TIRAP: variants seen among roughly 807,000 people sequenced by gnomAD.
TIRAP encodes the protein toll/interleukin-1 receptor domain-containing adapter protein.
TIRAP carries 20 observed loss-of-function variants against 19.8 expected under a neutral mutation model. That is an observed-to-expected ratio of 1.01 (90% CI 0.71 to 1.47). The LOEUF (loss-of-function observed/expected upper bound fraction) is 1.47. Among genes scored for constraint, TIRAP ranks in the 40% most tolerant of loss-of-function variants. The pLI, the probability that TIRAP is intolerant of heterozygous loss-of-function variation, is 0.00. For synonymous variants in TIRAP, 125 were observed against 121.7 expected (o/e 1.03, Z -0.18); for missense variants, 276 against 285.1 (o/e 0.97, Z 0.23).
rs1163710222 is a variant in TIRAP, at chr11:126,290,726, CT to C, written c.-92-75del. 1.0e-5 allele frequency: 14 copies of C among 1,392,090 alleles called. No individual in the cohort carries two copies. Among genetic ancestry groups the C allele is most frequent in the Non-Finnish European group, 1.3e-5 (14 of 1,076,194 alleles). 86.2% of individuals were successfully genotyped at this position (1,392,090 alleles called of 1,614,324 possible). A position where few individuals can be genotyped will look rare whatever the true frequency, so the allele number is the denominator to read the frequency against. On this transcript the variant is annotated intron_variant, in intron 2 of 4. Coordinates refer to ENST00000392679, the MANE Select transcript of TIRAP (RefSeq NM_001318777.2). This position sits in a 1 kb window ranked among gnomAD's most constrained non-coding sequence, Gnocchi z 4.9. ...GTCAGGCATTAGGAGAGAAACAGAA[CT>C]TCGCAGAGCTCATCCATGGGGAATG...
intron 1 of TIRAP, among the ~76,000 whole-genome samples, chr11:126,289,025 G>C (rs935260273): frequency 5.3e-5 from 8 of 152,176 alleles, no homozygotes; most frequent in African/African-American, 1.7e-4. Flanking sequence ...TATTAGGAAA[G>C]AAAAGAAACT....
In TIRAP at chr11:126,294,560, C is replaced by G; in HGVS notation, c.*873C>G. 1 of 456,266 alleles carries G rather than the reference C, an allele frequency of 2.2e-6. No homozygotes were observed. The highest frequency in any genetic ancestry group is 4.4e-6 in the Non-Finnish European group (1 of 226,968). 28.3% of individuals were successfully genotyped at this position (456,266 alleles called of 1,614,324 possible). On this transcript the variant is annotated 3_prime_UTR_variant, in exon 5 of 5. Coordinates refer to ENST00000392679, the MANE Select transcript of TIRAP (RefSeq NM_001318777.2). ...CACAGTCACCATCTTCACCTTTGGA[C>G]TGGGAAGAATCACCATTTTTCTTCT...
chr11:126,294,063 C>T lies in TIRAP; in HGVS notation c.*376C>T, dbSNP rs1389374381. The T allele has an allele frequency of 6.8e-6, 2 of 295,068 alleles. No homozygotes were observed. Among genetic ancestry groups the T allele is most frequent in the Non-Finnish European group, 1.3e-5 (2 of 151,352 alleles). The allele number at this position is 295,068 out of a possible 1,614,324, so 18.3% of individuals were successfully genotyped here. ...AACTGGACAGGAAGCCTGGCACCCACTTCTGTCTTCCCCTGGAACTGGGCA... is the reference window on the plus strand; with the variant it reads ...AACTGGACAGGAAGCCTGGCACCCATTTCTGTCTTCCCCTGGAACTGGGCA... On this transcript the variant is annotated 3_prime_UTR_variant, in exon 5 of 5. Coordinates refer to ENST00000392679, the MANE Select transcript of TIRAP (RefSeq NM_001318777.2).
At position 126,291,612 on chromosome 11, in the gene TIRAP, G is replaced by A. The variant is rs1020356702; in HGVS notation, c.67+651G>A. The A allele has an allele frequency of 1.3e-5, 6 of 445,272 alleles. No homozygotes were observed. The highest frequency in any genetic ancestry group is 1.0e-4 in the African/African-American group (5 of 49,660). 27.6% of individuals were successfully genotyped at this position (445,272 alleles called of 1,614,324 possible). ...AAGCTCTCTGCTCCTCAGCAACTCTGAGCAGTAGCCTCTTCCCCATTTAGC... is the reference window on the plus strand; with the variant it reads ...AAGCTCTCTGCTCCTCAGCAACTCTAAGCAGTAGCCTCTTCCCCATTTAGC... On this transcript the variant is annotated intron_variant, in intron 3 of 4. Coordinates refer to ENST00000392679, the MANE Select transcript of TIRAP (RefSeq NM_001318777.2). This position sits in a 1 kb window ranked among gnomAD's most constrained non-coding sequence, Gnocchi z 5.6.
chr11:126,288,482 G>C lies in TIRAP; in HGVS notation c.-216-1980G>C, dbSNP rs1951345312. 6.6e-6 allele frequency: 1 copy of C among 152,240 alleles called. No homozygotes were observed. The highest frequency in any genetic ancestry group is 2.4e-5 in the African/African-American group (1 of 41,456). The allele number at this position is 152,240 out of a possible 1,614,324, so 9.4% of individuals were successfully genotyped here. ...CTACAAAAGAACTGAAAAGGAACAG[G>C]GAAGGTGCATGGCGTCTTGGATTCC... On this transcript the variant is annotated intron_variant, in intron 1 of 4. Coordinates refer to ENST00000392679, the MANE Select transcript of TIRAP (RefSeq NM_001318777.2). This position sits in a 1 kb window ranked among gnomAD's most constrained non-coding sequence, Gnocchi z 5.0.
At chr11:126,285,261 A>ATATATATATATATAT (rs776825456) in intron 1 of TIRAP, among the ~76,000 whole-genome samples, 3 of 51,250 alleles carry the variant, frequency 5.9e-5, no homozygotes, top group African/African-American at 1.1e-4. Flanking sequence ...ATATATATAT[A>ATATATATATATATAT]ATATATATTT....
chr11:126,291,492 G>A lies in TIRAP; in HGVS notation c.67+531G>A, dbSNP rs1321934104. On this transcript the variant is annotated intron_variant, in intron 3 of 4. Coordinates refer to ENST00000392679, the MANE Select transcript of TIRAP (RefSeq NM_001318777.2). This position sits in a 1 kb window ranked among gnomAD's most constrained non-coding sequence, Gnocchi z 5.6. Reference sequence around the variant, plus strand: ...CCGGCTCCCTGACATACCTGACACTGCATTATCTCAGTTAACTTTCAGCAA... The same window carrying A: ...CCGGCTCCCTGACATACCTGACACTACATTATCTCAGTTAACTTTCAGCAA... The A allele has an allele frequency of 9.0e-7, 1 of 1,107,440 alleles. No homozygotes were observed. The highest frequency in any genetic ancestry group is 2.3e-5 in the Admixed American group (1 of 44,062). The allele number at this position is 1,107,440 out of a possible 1,614,324, so 68.6% of individuals were successfully genotyped here.
Position 126,283,129 on chromosome 11 carries a change from T to C in TIRAP, c.-241T>C. The C allele has an allele frequency of 1.0e-6, 1 of 984,968 alleles. No homozygotes were observed. Among genetic ancestry groups the C allele is most frequent in the Non-Finnish European group, 1.2e-6 (1 of 829,776 alleles). The allele number at this position is 984,968 out of a possible 1,614,324, so 61.0% of individuals were successfully genotyped here. ...GGAGCCCGCGCAGTCCGCGCAGCCCTCATCGCAACTGGGCCCGCGCGCAGG... is the reference window on the plus strand; with the variant it reads ...GGAGCCCGCGCAGTCCGCGCAGCCCCCATCGCAACTGGGCCCGCGCGCAGG... On this transcript the variant is annotated 5_prime_UTR_variant, in exon 1 of 5. Transcript: ENST00000392679.
chr11:126,293,006 CAG>C lies in TIRAP; in HGVS notation c.598_599del (p.Arg200GlyfsTer3). The C allele has an allele frequency of 1.9e-6, 3 of 1,614,234 alleles. No homozygotes were observed. Among genetic ancestry groups the C allele is most frequent in the Non-Finnish European group, 2.5e-6 (3 of 1,180,042 alleles). On this transcript the variant is annotated frameshift_variant, in exon 4 of 5. Coordinates refer to ENST00000392679, the MANE Select transcript of TIRAP (RefSeq NM_001318777.2). LOFTEE classifies it high-confidence loss of function. ...ELRFMYYVDG[R>X]GPDGGFRQVK... ...TCCGATTCATGTACTACGTCGATGGCAGGGGCCCTGATGGTGGCTTTCGTCAA... is the reference window on the plus strand; with the variant it reads ...TCCGATTCATGTACTACGTCGATGGCGGGCCCTGATGGTGGCTTTCGTCAA...
At chr11:126,285,260 T>TATATATATATATATAAAA (rs773653398) in intron 1 of TIRAP, among the ~76,000 whole-genome samples, 9 of 135,454 alleles carry the variant, frequency 6.6e-5, no homozygotes, top group East Asian at 2.2e-4. Context: ...TATATATATA[T>TATATATATATATATAAAA]AATATATATT....
rs1275701132 is a variant in TIRAP at position 126,292,746 on chromosome 11, A to G, written c.337A>G (p.Ser113Gly). ...LVSYLEGSTASLRCFLQLRDA... is the reference protein window; with the variant it reads ...LVSYLEGSTAGLRCFLQLRDA... Reference sequence around the variant, plus strand: ...CTCCTACTTGGAAGGCAGCACTGCCAGCCTGCGCTGCTTCCTGCAACTCCG... The same window carrying G: ...CTCCTACTTGGAAGGCAGCACTGCCGGCCTGCGCTGCTTCCTGCAACTCCG... The change falls in exon 4 of 5, where the codon AGC becomes GGC. Residue 113 changes from serine (S) to glycine (G), a missense_variant. Transcript: ENST00000392679. The G allele has an allele frequency of 6.2e-7, 1 of 1,613,280 alleles. No homozygotes were observed. The highest frequency in any genetic ancestry group is 1.1e-5 in the South Asian group (1 of 90,916).
At chr11:126,289,877 T>A in intron 1 of TIRAP, 1 of 983,268 alleles carries the variant, frequency 1.0e-6, no homozygotes, top group Non-Finnish European at 1.2e-6. Context: ...TGTATTTCCA[T>A]ATAAATTTAG....
intron 1 of TIRAP, among the ~76,000 whole-genome samples, chr11:126,283,919 A>G (rs1475488208): frequency 1.3e-5 from 2 of 151,970 alleles, no homozygotes; most frequent in African/African-American, 4.8e-5. Context: ...CAACACGCAC[A>G]TTTCCTGATT....
In TIRAP at chr11:126,294,889, A is replaced by G; in HGVS notation, c.*1202A>G. 4.6e-6 allele frequency: 1 copy of G among 215,846 alleles called. No individual in the cohort carries two copies. The highest frequency in any genetic ancestry group is 6.0e-5 in the South Asian group (1 of 16,656). The allele number at this position is 215,846 out of a possible 1,614,324, so 13.4% of individuals were successfully genotyped here. A position where few individuals can be genotyped will look rare whatever the true frequency, so the allele number is the denominator to read the frequency against. ...GGCAGGTGGATCACCTGAGGTCAGG[A>G]GTTCAAGACTAGCCTGGCCAATATG... is the stretch of plus-strand genomic sequence containing the variant. On this transcript the variant is annotated 3_prime_UTR_variant, in exon 5 of 5. Coordinates refer to ENST00000392679, the MANE Select transcript of TIRAP (RefSeq NM_001318777.2).
rs1180898897 is a variant in TIRAP at position 126,292,740 on chromosome 11, AC to A, written c.332del (p.Thr111MetfsTer19). 1.2e-6 allele frequency: 2 copies of A among 1,613,224 alleles called. No homozygotes were observed. The highest frequency in any genetic ancestry group is 2.7e-5 in the African/African-American group (2 of 74,920). On this transcript the variant is annotated frameshift_variant, in exon 4 of 5. Coordinates refer to ENST00000392679, the MANE Select transcript of TIRAP (RefSeq NM_001318777.2). LOFTEE classifies it high-confidence loss of function. Reference protein sequence around the residue: ...QDLVSYLEGSTASLRCFLQLR... With the variant: ...QDLVSYLEGSXASLRCFLQLR... ...CCTGGTCTCCTACTTGGAAGGCAGCACTGCCAGCCTGCGCTGCTTCCTGCAA... is the reference window on the plus strand; with the variant it reads ...CCTGGTCTCCTACTTGGAAGGCAGCATGCCAGCCTGCGCTGCTTCCTGCAA...
chr11:126,291,360 G>A lies in TIRAP; in HGVS notation c.67+399G>A, dbSNP rs1951382763. ...GTCCTTATCAAAGGCTGGGGAAGCT[G>A]TTTTCATCTCCTTATGGAGTCCCAT... On this transcript the variant is annotated intron_variant, in intron 3 of 4. Transcript: ENST00000392679. The surrounding 1 kb of genome is among the most constrained non-coding windows in gnomAD (Gnocchi z 5.6). 2 of 1,046,362 alleles carry A rather than the reference G, an allele frequency of 1.9e-6. No homozygotes were observed. The highest frequency in any genetic ancestry group is 2.6e-6 in the Non-Finnish European group (2 of 761,194). 64.8% of individuals were successfully genotyped at this position (1,046,362 alleles called of 1,614,324 possible).
Position 126,288,883 on chromosome 11 carries a change from T to C in TIRAP, c.-216-1579T>C, listed in dbSNP as rs368360725. Among the ~76,000 whole-genome samples the C allele has an allele frequency of 1.2e-4, 19 of 152,284 alleles. No individual in the cohort carries two copies. Among genetic ancestry groups the C allele is most frequent in the East Asian group, 1.2e-3 (6 of 5,192 alleles). On this transcript the variant is annotated intron_variant, in intron 1 of 4. Transcript: ENST00000392679. The surrounding 1 kb of genome is among the most constrained non-coding windows in gnomAD (Gnocchi z 5.0). ...CAAGGCCAAATAATTAATATTAAAA[T>C]TAAAACAGAATTGAAAAAATATTTA... is the stretch of plus-strand genomic sequence containing the variant.
At position 126,293,933 on chromosome 11, in the gene TIRAP, T is replaced by C; in HGVS notation, c.*246T>C. The C allele has an allele frequency of 1.8e-6, 1 of 554,934 alleles. No individual in the cohort carries two copies. The allele number at this position is 554,934 out of a possible 1,614,324, so 34.4% of individuals were successfully genotyped here. ...CTGGGGATTCCCCCTAGGAAAGCCATGAGGAAGCTGGGGACTCCCCAAGAA... is the reference window on the plus strand; with the variant it reads ...CTGGGGATTCCCCCTAGGAAAGCCACGAGGAAGCTGGGGACTCCCCAAGAA... On this transcript the variant is annotated 3_prime_UTR_variant, in exon 5 of 5. Transcript: ENST00000392679.
In TIRAP at chr11:126,291,141, G is replaced by A; in HGVS notation, c.67+180G>A. On this transcript the variant is annotated intron_variant, in intron 3 of 4. Transcript: ENST00000392679. The surrounding 1 kb of genome is among the most constrained non-coding windows in gnomAD (Gnocchi z 5.6). ...TGTGGAGAGTGAGGAGGGGAGGCCT[G>A]CGTCAGCTCAGCCAGATCTTTATCC... The A allele has an allele frequency of 1.3e-6, 1 of 762,130 alleles. No homozygotes were observed. Among genetic ancestry groups the A allele is most frequent in the East Asian group, 2.7e-5 (1 of 36,680 alleles). 47.2% of individuals were successfully genotyped at this position (762,130 alleles called of 1,614,324 possible).
Sources: allele counts gnomAD v4.1 joint callset (sites outside exome capture counted in the v4.1 genomes callset), GRCh38; gene constraint gnomAD v4.1.1; non-coding constraint Gnocchi (gnomAD v3.1); transcripts MANE v1.5; gene names NCBI Gene and HGNC (gene_info 2026-07-23, HGNC 2026-07-21).